Variants in TGFBR1 observed in about 807,000 individuals in gnomAD.
The protein encoded by TGFBR1 is transforming growth factor beta receptor 1, also known as TGF-beta receptor type-1.
In TGFBR1, 20 loss-of-function variants were observed where a neutral mutation model predicts 55.1. The ratio of observed to expected loss-of-function variants is 0.36; its 90% CI spans 0.26 to 0.53. TGFBR1 has a LOEUF of 0.53. TGFBR1 is among the 20% of genes least tolerant of loss of function. TGFBR1 has a pLI of 0.91. For synonymous variants in TGFBR1, 220 were observed against 214.8 expected (o/e 1.02, Z -0.21); for missense variants, 385 against 617.6 (o/e 0.62, Z 3.99).
At position 99,152,291 on chromosome 9, in the gene TGFBR1, G is replaced by A. The variant is rs1828000851; in HGVS notation, c.*2986G>A. ...CTGCTTTGACTTCAGCCATGGATGA[G>A]GAGTGGGATGGCAGCAAGGTGGCTC... On this transcript the variant is annotated 3_prime_UTR_variant, in exon 9 of 9. Coordinates refer to ENST00000374994, the MANE Select transcript of TGFBR1 (RefSeq NM_004612.4). 2 of 217,614 alleles carry A rather than the reference G, an allele frequency of 9.2e-6. No homozygotes were observed. Among genetic ancestry groups the A allele is most frequent in the East Asian group, 6.7e-5 (1 of 14,910 alleles). The allele number at this position is 217,614 out of a possible 1,614,324, so 13.5% of individuals were successfully genotyped here.
At chr9:99,106,247 T>C (rs1010465441) in intron 1 of TGFBR1, among the ~76,000 whole-genome samples, 2 of 152,226 alleles carry the variant, frequency 1.3e-5, no homozygotes, top group Non-Finnish European at 2.9e-5. Flanking sequence ...GGAAGACTGT[T>C]GGCTGGATTT....
rs186017492 is a variant in TGFBR1, at chr9:99,132,493, C to G, written c.344-16C>G. ...TGTCGTTGTTGATGTTTATTTCACT[C>G]GAGGCCCTTTTTCAGTAAAGTCATC... is the stretch of plus-strand genomic sequence containing the variant. On this transcript the variant is annotated splice_polypyrimidine_tract_variant and intron_variant, in intron 2 of 8. Transcript: ENST00000374994. The G allele has an allele frequency of 1.2e-6, 2 of 1,613,486 alleles. No homozygotes were observed. Among genetic ancestry groups the G allele is most frequent in the East Asian group, 2.2e-5 (1 of 44,878 alleles).
chr9:99,143,006 C>A (rs542610880), intron 5 of TGFBR1, among the ~76,000 whole-genome samples: 7 of 152,184 alleles, frequency 4.6e-5, no homozygotes, highest in African/African-American at 1.7e-4. Context: ...CTGCAGTGAG[C>A]AGACATCATG....
rs1554700023 is a variant in TGFBR1, at chr9:99,134,802, T to TTTTATATATATATATATATA, written c.574+2064_574+2065insTTATATATATATATATATAT. On this transcript the variant is annotated intron_variant, in intron 3 of 8. Coordinates refer to ENST00000374994, the MANE Select transcript of TGFBR1 (RefSeq NM_004612.4). ...AAACAATGGAATAATTCTGTTTCCA[T>TTTTATATATATATATATATA]TATATATATATATATATATATATAT... 6.3e-4 allele frequency among the ~76,000 whole-genome samples: 26 copies of TTTTATATATATATATATATA among 41,368 alleles called. 3 individuals are homozygous for TTTTATATATATATATATATA. The highest frequency in any genetic ancestry group is 8.6e-4 in the Admixed American group (3 of 3,486). 27.1% of individuals were successfully genotyped at this position (41,368 alleles called of 152,430 possible).
intron 2 of TGFBR1, among the ~76,000 whole-genome samples, chr9:99,131,869 C>T (rs1292024873): frequency 2.0e-5 from 3 of 151,340 alleles, no homozygotes; most frequent in African/African-American, 7.3e-5. Flanking sequence ...TTGGGAGGCT[C>T]AGGCAGGAGA....
At position 99,138,040 on chromosome 9, in the gene TGFBR1, A is replaced by G; in HGVS notation, c.756A>G (p.Val252=). ...WFREAEIYQT[V]MLRHENILGF... ...GTGAGGCAGAGATTTATCAAACTGT[A>G]ATGTTACGTCATGAAAACATCCTGG... Residue 252 remains valine, a synonymous_variant, in exon 4 of 9, where the codon GTA becomes GTG. Coordinates refer to ENST00000374994, the MANE Select transcript of TGFBR1 (RefSeq NM_004612.4). 1 of 1,614,104 alleles carries G rather than the reference A, an allele frequency of 6.2e-7. No individual in the cohort carries two copies. Among genetic ancestry groups the G allele is most frequent in the East Asian group, 2.2e-5 (1 of 44,860 alleles).
rs200225601 is a variant in TGFBR1 at position 99,148,843 on chromosome 9, AAAG to A, written c.1387-334_1387-332del. Among the ~76,000 whole-genome samples the A allele has an allele frequency of 0.16, 24,273 of 150,450 alleles. 1,931 individuals carry two copies. The highest frequency in any genetic ancestry group is 0.19 in the Non-Finnish European group (13,061 of 67,336). ...TGAGACCCTGTCTCAAAAAAAAAAA[AAAG>A]AAAGAAAAATTTGATGTGAATACTT... On this transcript the variant is annotated intron_variant, in intron 8 of 8. Transcript: ENST00000374994.
chr9:99,130,409 G>A lies in TGFBR1; in HGVS notation c.343+1309G>A, dbSNP rs140953429. ...GCTGTAGCGCAGAAGGAAAAGGCCA[G>A]TCCTCCACCTGTTCAGCATGATAAT... On this transcript the variant is annotated intron_variant, in intron 2 of 8. Coordinates refer to ENST00000374994, the MANE Select transcript of TGFBR1 (RefSeq NM_004612.4). Among the ~76,000 whole-genome samples the A allele has an allele frequency of 1.1e-4, 17 of 152,336 alleles. No individual in the cohort carries two copies. In the East Asian group the frequency reaches 3.3e-3, roughly 29 times the overall value.
intron 3 of TGFBR1, among the ~76,000 whole-genome samples, chr9:99,136,922 T>A (rs955526488): frequency 1.3e-5 from 2 of 152,176 alleles, no homozygotes; most frequent in Admixed American, 1.3e-4. Flanking sequence ...TGGCATTTTC[T>A]TTGTTAGTGT....
At chr9:99,141,912 A>T (rs1417464186) in intron 4 of TGFBR1, among the ~76,000 whole-genome samples, 1 of 152,100 alleles carries the variant, frequency 6.6e-6, no homozygotes, top group Admixed American at 6.5e-5. Context: ...CTGACATTTC[A>T]GTTCCTATTT....
rs1588601677 is a variant in TGFBR1, at chr9:99,152,331, T to G, written c.*3026T>G. 1 of 219,686 alleles carries G rather than the reference T, an allele frequency of 4.6e-6. No homozygotes were observed. The highest frequency in any genetic ancestry group is 9.1e-6 in the Non-Finnish European group (1 of 109,360). 13.6% of individuals were successfully genotyped at this position (219,686 alleles called of 1,614,324 possible). A position where few individuals can be genotyped will look rare whatever the true frequency, so the allele number is the denominator to read the frequency against. ...CAAGGTGGCTCCTGTGGCAGTGGAG[T>G]TGTGCCAGAAACAGTGGCCAGTTGT... On this transcript the variant is annotated 3_prime_UTR_variant, in exon 9 of 9. Coordinates refer to ENST00000374994, the MANE Select transcript of TGFBR1 (RefSeq NM_004612.4).
At chr9:99,105,426 C>A in intron 1 of TGFBR1, 124 bp downstream of exon 1, 1 of 847,124 alleles carries the variant, frequency 1.2e-6, no homozygotes, top group Non-Finnish European at 1.4e-6. Flanking sequence ...CGCCGGGGCC[C>A]GGGCCGGGCT....
At chr9:99,147,458 A>G (rs1302542581) in intron 7 of TGFBR1, among the ~76,000 whole-genome samples, 196 bp from the exon 8 acceptor site, 4 of 152,184 alleles carry the variant, frequency 2.6e-5, no homozygotes, top group African/African-American at 4.8e-5. Flanking sequence ...CTTAGTTTCA[A>G]GGTGTGGGTG....
intron 2 of TGFBR1, among the ~76,000 whole-genome samples, chr9:99,129,368 C>G (rs1827145025): frequency 6.6e-6 from 1 of 152,170 alleles, no homozygotes; most frequent in Non-Finnish European, 1.5e-5. Flanking sequence ...TCTGACAAAG[C>G]CCACAACAAC....
chr9:99,128,475 TAAAAAAAA>T (rs66612011), intron 1 of TGFBR1, among the ~76,000 whole-genome samples: 60 of 104,034 alleles, frequency 5.8e-4, no homozygotes, highest in Non-Finnish European at 9.6e-4. Flanking sequence ...TTGGGCCTGG[TAAAAAAAA>T]AAAAAAAAAA....
At chr9:99,126,468 A>G (rs1311212519) in intron 1 of TGFBR1, among the ~76,000 whole-genome samples, 1 of 152,190 alleles carries the variant, frequency 6.6e-6, no homozygotes, top group Non-Finnish European at 1.5e-5. Context: ...AGCTTTTGGT[A>G]GAGTAACTGA....
chr9:99,125,952 C>A (rs1827028274), intron 1 of TGFBR1, among the ~76,000 whole-genome samples: 1 of 152,096 alleles, frequency 6.6e-6, no homozygotes, highest in South Asian at 2.1e-4. Flanking sequence ...ATGAAAGACC[C>A]TTTAACAGCA....
intron 4 of TGFBR1, among the ~76,000 whole-genome samples, chr9:99,139,234 T>A (rs1827537499): frequency 6.6e-6 from 1 of 152,196 alleles, no homozygotes; most frequent in Admixed American, 6.5e-5. Flanking sequence ...ATCTCTTAGC[T>A]TGGCCAGACC....
Position 99,153,252 on chromosome 9 carries a change from T to A in TGFBR1, c.*3947T>A, listed in dbSNP as rs1828024234. ...CAGAGCATTCTCCAGGTTTGCAGTT[T>A]TATTTCTATAAAGTATGGGTATTAT... On this transcript the variant is annotated 3_prime_UTR_variant, in exon 9 of 9. Coordinates refer to ENST00000374994, the MANE Select transcript of TGFBR1 (RefSeq NM_004612.4). 2 of 222,094 alleles carry A rather than the reference T, an allele frequency of 9.0e-6. No individual in the cohort carries two copies. The highest frequency in any genetic ancestry group is 1.3e-4 in the East Asian group (2 of 15,122). The allele number at this position is 222,094 out of a possible 1,614,324, so 13.8% of individuals were successfully genotyped here.
Sources: gnomAD v4.1 joint callset for allele counts (sites outside exome capture counted in the v4.1 genomes callset) on GRCh38, gnomAD v4.1.1 for gene constraint, MANE v1.5 for transcripts, NCBI Gene and HGNC (gene_info 2026-07-23, HGNC 2026-07-21) for gene names.